The following TMEM132D variants were observed in gnomAD, a reference collection of about 807,000 sequenced individuals.
TMEM132D encodes transmembrane protein 132D.
A neutral mutation model predicts 62.3 loss-of-function variants in TMEM132D; 21 were observed. That is an observed-to-expected ratio of 0.34 (90% confidence interval 0.24 to 0.49). The LOEUF (loss-of-function observed/expected upper bound fraction) is 0.49. TMEM132D is among the 20% of genes least tolerant of loss of function. The pLI is 0.99. For missense variants in TMEM132D, 1,346 were observed against 1,402.8 expected (o/e 0.96, Z 0.65); for synonymous variants, 621 against 575.6 (o/e 1.08, Z -1.13).
Position 129,827,065 on chromosome 12 carries a change from A to G in TMEM132D, c.79+76196T>C, listed in dbSNP as rs535306737. 5.0e-4 allele frequency among the ~76,000 whole-genome samples: 76 copies of G among 152,362 alleles called. No individual in the cohort carries two copies. The highest frequency in any genetic ancestry group is 9.1e-4 in the Non-Finnish European group (62 of 68,038). The stretch of plus-strand genomic sequence containing the variant: ...AAATATGCAAAATACTAAATTATGA[A>G]TTGATTTTAGTGATCATTATTTGGT... On this transcript the variant is annotated intron_variant, in intron 1 of 8. Coordinates refer to ENST00000422113, the MANE Select transcript of TMEM132D (RefSeq NM_133448.3). The surrounding 1 kb of genome is among the most constrained non-coding windows in gnomAD (Gnocchi z 9.7).
intron 3 of TMEM132D, among the ~76,000 whole-genome samples, chr12:129,490,596 ATTTTTTTTTTTTTTT>A (rs35535325): frequency 1.4e-4 from 10 of 71,112 alleles, no homozygotes; most frequent in African/African-American, 2.4e-4. Flanking sequence ...CGCCCGGCTA[ATTTTTTTTTTTTTTT>A]TTTTTTTTTT....
intron 3 of TMEM132D, among the ~76,000 whole-genome samples, chr12:129,528,431 C>CAAAAAAAA (rs200147997): frequency 1.5e-5 from 2 of 133,196 alleles, no homozygotes; most frequent in East Asian, 2.2e-4. Context: ...ATGCACACAG[C>CAAAAAAAA]AAAAAAAAAA....
chr12:129,242,326 T>A (rs1879958578), intron 4 of TMEM132D, among the ~76,000 whole-genome samples: 1 of 152,206 alleles, frequency 6.6e-6, no homozygotes, highest in African/African-American at 2.4e-5. Flanking sequence ...ATGCACACAG[T>A]GAGTGCATAG....
intron 4 of TMEM132D, among the ~76,000 whole-genome samples, chr12:129,240,050 G>C (rs1394132955): frequency 6.6e-6 from 1 of 152,172 alleles, no homozygotes; most frequent in Non-Finnish European, 1.5e-5. Context: ...GTCTAAAGAG[G>C]TAGACTTCCA....
chr12:129,254,139 C>T (rs777910219), intron 4 of TMEM132D, among the ~76,000 whole-genome samples: 14 of 152,150 alleles, frequency 9.2e-5, no homozygotes, highest in Non-Finnish European at 1.6e-4. Flanking sequence ...TCTCCACATT[C>T]GGGGAGTTAT....
intron 5 of TMEM132D, among the ~76,000 whole-genome samples, chr12:129,150,902 C>T (rs774487412): frequency 3.9e-5 from 6 of 152,212 alleles, no homozygotes; most frequent in African/African-American, 9.6e-5. Context: ...CTCCTGTCCG[C>T]CCCAACCCCA....
Position 129,074,723 on chromosome 12 carries a change from T to C in TMEM132D, c.2452A>G (p.Met818Val), listed in dbSNP as rs747357113. The change falls in exon 9 of 9, where the codon ATG becomes GTG. Residue 818 changes from methionine to valine, a missense_variant. Met to Val is a conservative substitution (Grantham distance 21, BLOSUM62 1). Transcript: ENST00000422113. ...DSRHTGAGVH[M>V]ENNVSDRRPK... ...CTTCTGTCACTGACATTGTTTTCCA[T>C]GTGAACCCCTGCCCCTGTGTGTCTG... 6.8e-6 allele frequency: 11 copies of C among 1,614,182 alleles called. No homozygotes were observed. Among genetic ancestry groups the C allele is most frequent in the Non-Finnish European group, 9.3e-6 (11 of 1,180,024 alleles).
At chr12:129,134,522 T>C (rs7979469) in intron 5 of TMEM132D, among the ~76,000 whole-genome samples, 110,483 of 151,980 alleles carry the variant, frequency 0.73, 40,411 homozygotes, top group Middle Eastern at 0.76. Context: ...GATTTAGAGC[T>C]CCTATTTCTG....
At chr12:129,119,083 A>T (rs1875982508) in intron 5 of TMEM132D, among the ~76,000 whole-genome samples, 1 of 152,216 alleles carries the variant, frequency 6.6e-6, no homozygotes, top group South Asian at 2.1e-4. Context: ...GTTTCATGAG[A>T]GGAGGTGGAT....
At chr12:129,430,120 A>C (rs921833636) in intron 3 of TMEM132D, among the ~76,000 whole-genome samples, 4 of 152,172 alleles carry the variant, frequency 2.6e-5, no homozygotes, top group African/African-American at 9.7e-5. Flanking sequence ...GCTGGGTCAA[A>C]CGGTATTTCT....
chr12:129,197,858 G>A (rs939249812), intron 5 of TMEM132D, among the ~76,000 whole-genome samples: 2 of 152,180 alleles, frequency 1.3e-5, no homozygotes, highest in African/African-American at 2.4e-5. Flanking sequence ...ATAACCCATG[G>A]AATGGGAGAA....
intron 2 of TMEM132D, among the ~76,000 whole-genome samples, chr12:129,677,831 CTTT>C (rs869098260): frequency 2.5e-4 from 29 of 117,634 alleles, no homozygotes; most frequent in South Asian, 6.2e-4. Flanking sequence ...GTGATTTTGT[CTTT>C]TTTTTTTTTT....
intron 2 of TMEM132D, among the ~76,000 whole-genome samples, chr12:129,599,759 C>T (rs1878437206): frequency 6.6e-6 from 1 of 152,204 alleles, no homozygotes; most frequent in Non-Finnish European, 1.5e-5. Flanking sequence ...TACATTTACA[C>T]AATGCTGTTG....
chr12:129,587,558 G>T (rs887707312), intron 2 of TMEM132D, among the ~76,000 whole-genome samples: 2 of 151,840 alleles, frequency 1.3e-5, no homozygotes, highest in African/African-American at 2.4e-5. Context: ...AAAAAAACTC[G>T]CTCCAGAGCC....
At chr12:129,730,445 T>C (rs1339622177) in intron 1 of TMEM132D, among the ~76,000 whole-genome samples, 1 of 152,182 alleles carries the variant, frequency 6.6e-6, no homozygotes, top group Non-Finnish European at 1.5e-5. Flanking sequence ...ATAAACCTTC[T>C]ATCACTCAGA....
intron 1 of TMEM132D, among the ~76,000 whole-genome samples, chr12:129,895,985 T>C (rs11060607): frequency 6.8e-6 from 1 of 147,456 alleles, no homozygotes; most frequent in Non-Finnish European, 1.5e-5. Flanking sequence ...TTTTTTTTTG[T>C]TTGGAGACAG....
chr12:129,424,406 ATTGG>A (rs1872427446), intron 3 of TMEM132D, among the ~76,000 whole-genome samples: 2 of 152,052 alleles, frequency 1.3e-5, no homozygotes, highest in Non-Finnish European at 2.9e-5. Context: ...TTTTCCACCC[ATTGG>A]ATGATACTCT....
intron 1 of TMEM132D, among the ~76,000 whole-genome samples, chr12:129,795,361 C>T (rs535251149): frequency 6.6e-6 from 1 of 152,308 alleles, no homozygotes; most frequent in South Asian, 2.1e-4. Context: ...ATCTTCTCAC[C>T]TGGGTGGGAA....
At chr12:129,607,305 G>A (rs1420155063) in intron 2 of TMEM132D, among the ~76,000 whole-genome samples, 1 of 152,152 alleles carries the variant, frequency 6.6e-6, no homozygotes, top group Non-Finnish European at 1.5e-5. Context: ...GGGTCACGCA[G>A]AGTGGGCTCA....
Sources: allele counts gnomAD v4.1 joint callset (sites outside exome capture counted in the v4.1 genomes callset), GRCh38; gene constraint gnomAD v4.1.1; non-coding constraint Gnocchi (gnomAD v3.1); transcripts MANE v1.5; gene names NCBI Gene and HGNC (gene_info 2026-07-23, HGNC 2026-07-21).